The following CENPM variants were observed in gnomAD, a reference collection of about 807,000 sequenced individuals.
CENPM encodes the protein interphase centromere complex protein 39.
A neutral mutation model predicts 19.6 loss-of-function variants in CENPM; 14 were observed. The observed-to-expected ratio is 0.71, with a 90% CI of 0.47 to 1.11. The LOEUF is 1.11. CENPM is among the 50% of genes most tolerant of loss of function. The probability of loss-of-function intolerance (pLI) is 0.00; values close to 1 mark genes in which losing one functional copy is unlikely to be tolerated. For synonymous variants in CENPM, 114 were observed against 101.5 expected (o/e 1.12, Z -0.74); for missense variants, 239 against 228.4 (o/e 1.05, Z -0.30).
In CENPM at chr22:41,944,940, CTTTTAT is replaced by C. The variant is rs1208632878; in HGVS notation, c.310+279_310+284del. The C allele has an allele frequency of 1.3e-5, 16 of 1,250,930 alleles. No individual in the cohort carries two copies. The South Asian group carries it at 2.8e-4, about 22-fold the overall frequency. 77.5% of individuals were successfully genotyped at this position (1,250,930 alleles called of 1,614,324 possible). A position where few individuals can be genotyped will look rare whatever the true frequency, so the allele number is the denominator to read the frequency against. ...GTGTTCTTTCGGTTTTTAAATTTAA[CTTTTAT>C]TTTAAGTTCAGGGGTACATGTGCAG... On this transcript the variant is annotated intron_variant, in intron 4 of 5. Transcript: ENST00000215980.
chr22:41,946,488 G>A lies in CENPM; in HGVS notation c.66C>T (p.Gly22=), dbSNP rs1404355179. The part of the protein sequence containing the change: ...GLNTATILLV[G]TEDALLQQLA... ...GCTGCTGCAGAAGAGCATCCTCCGT[G>A]CCCACCAGCTGCGCAGGGAGAGAGA... is the stretch of plus-strand genomic sequence containing the variant. The change falls in exon 2 of 6, where the codon GGC becomes GGT. Residue 22 remains glycine (G), a synonymous_variant. Transcript: ENST00000215980. 1.9e-6 allele frequency: 3 copies of A among 1,613,116 alleles called. No homozygotes were observed. The highest frequency in any genetic ancestry group is 4.5e-5 in the East Asian group (2 of 44,880).
the CENPM span, among the ~76,000 whole-genome samples, chr22:41,929,696 C>T: frequency 6.6e-6 from 1 of 152,034 alleles, no homozygotes; most frequent in Non-Finnish European, 1.5e-5. Flanking sequence ...GCTGGGCGCT[C>T]CCTATGTGCT....
At chr22:41,930,511 T>A in the CENPM span, among the ~76,000 whole-genome samples, 2 of 151,986 alleles carry the variant, frequency 1.3e-5, no homozygotes, top group Non-Finnish European at 2.9e-5. Context: ...CTAATTTCTT[T>A]TCTTTTTTTT....
At chr22:41,928,877 G>A in the CENPM span, among the ~76,000 whole-genome samples, 2 of 152,080 alleles carry the variant, frequency 1.3e-5, no homozygotes, top group Non-Finnish European at 2.9e-5. The surrounding 1 kb of genome is among the most constrained non-coding windows in gnomAD (Gnocchi z 4.0). Flanking sequence ...ATGATGCAGC[G>A]GCTGGCCATG....
At chr22:41,944,145 G>A (rs568357893) in intron 4 of CENPM, 6 of 985,330 alleles carry the variant, frequency 6.1e-6, no homozygotes, top group Middle Eastern at 5.2e-4. Flanking sequence ...GAAGCCTAGA[G>A]TAAACAAAAA....
At position 41,947,029 on chromosome 22, in the gene CENPM, G is replaced by T; in HGVS notation, c.48C>A (p.Ala16=). 6.2e-7 allele frequency: 1 copy of T among 1,612,900 alleles called. No individual in the cohort carries two copies. Among genetic ancestry groups the T allele is most frequent in the Non-Finnish European group, 8.5e-7 (1 of 1,179,934 alleles). ...GGCCGCCTGCACCTACCAAGATGGT[G>T]GCCGTGTTCAGGCCGGGCAGCTTGT... The part of the protein sequence containing the change: ...PLDKLPGLNT[A]TILLVGTEDA... The change falls in exon 1 of 6, where the codon GCC becomes GCA. Residue 16 remains alanine, a synonymous_variant. Coordinates refer to ENST00000215980, the MANE Select transcript of CENPM (RefSeq NM_024053.5).
At chr22:41,943,255 G>A (rs764143729) in intron 5 of CENPM, among the ~76,000 whole-genome samples, 7 of 152,138 alleles carry the variant, frequency 4.6e-5, no homozygotes, top group Non-Finnish European at 1.0e-4. Flanking sequence ...GCAGGAGAGT[G>A]GACTCACAAA....
downstream of CENPM, among the ~76,000 whole-genome samples, chr22:41,933,834 G>A (rs190435963): frequency 9.2e-5 from 14 of 152,314 alleles, no homozygotes; most frequent in African/African-American, 1.7e-4. Flanking sequence ...CACCCCTGAT[G>A]CGTGTGGGTT....
intron 5 of CENPM, among the ~76,000 whole-genome samples, chr22:41,939,872 GAAAGAA>G (rs1569425894): frequency 3.1e-5 from 4 of 130,792 alleles, no homozygotes; most frequent in East Asian, 2.1e-4. Context: ...AAGAAAGAAA[GAAAGAA>G]AAAGAAAGAA....
At chr22:41,942,766 G>A (rs1000311569) in intron 5 of CENPM, among the ~76,000 whole-genome samples, 2 of 139,804 alleles carry the variant, frequency 1.4e-5, no homozygotes, top group Non-Finnish European at 3.1e-5. Flanking sequence ...AAAAAAAAAA[G>A]TAAATAAATA....
chr22:41,940,303 T>C, intron 5 of CENPM: 1 of 628,184 alleles, frequency 1.6e-6, no homozygotes, highest in Non-Finnish European at 3.0e-6. Context: ...TCTTGCCTGT[T>C]TACCACCACC....
At chr22:41,945,355 C>A (rs754262768) in intron 3 of CENPM, 51 bp from the exon 4 acceptor site, 4 of 1,609,716 alleles carry the variant, frequency 2.5e-6, no homozygotes, top group Non-Finnish European at 3.4e-6. Context: ...CAAAACTTTA[C>A]AACGGAGAAA....
the CENPM span, among the ~76,000 whole-genome samples, chr22:41,932,798 G>T: frequency 9.2e-5 from 14 of 152,220 alleles, no homozygotes; most frequent in Non-Finnish European, 5.9e-5. The surrounding 1 kb of genome is among the most constrained non-coding windows in gnomAD (Gnocchi z 4.3). Context: ...AACCTCCCAG[G>T]CCTTATTCAG....
the CENPM span, among the ~76,000 whole-genome samples, chr22:41,933,528 C>T: frequency 6.6e-6 from 1 of 152,126 alleles, no homozygotes; most frequent in East Asian, 1.9e-4. Context: ...AAGGCTGCCT[C>T]CTGTGCAGGT....
rs1432294323 is a variant in CENPM, at chr22:41,946,413, T to C, written c.137+4A>G. 3 of 1,612,680 alleles carry C rather than the reference T, an allele frequency of 1.9e-6. No homozygotes were observed. The highest frequency in any genetic ancestry group is 1.7e-5 in the Admixed American group (1 of 59,976). ...GGGCCCAGGCCACAGCCGCGGCTAC[T>C]TACACCTTCAGCTCGGAGGCGCAGT... On this transcript the variant is annotated splice_donor_region_variant and intron_variant, in intron 2 of 5. Transcript: ENST00000215980.
In CENPM at chr22:41,945,986, G is replaced by T; in HGVS notation, c.157C>A (p.Pro53Thr). The change falls in exon 3 of 6, where the codon CCT (proline) becomes ACT (threonine). Residue 53 changes from proline (P) to threonine (T), a missense_variant. Pro to Thr is a conservative substitution (Grantham distance 38). Transcript: ENST00000215980. ...GGCCGATTCACACTGGAGGGCAAAG[G>T]GAGGGACTTTGCCAAGTGGCTGAAA... is the stretch of plus-strand genomic sequence containing the variant. ...ELKVHLAKSL[P>T]LPSSVNRPRI... The T allele has an allele frequency of 6.2e-7, 1 of 1,613,904 alleles. No individual in the cohort carries two copies. The highest frequency in any genetic ancestry group is 1.3e-5 in the African/African-American group (1 of 75,038).
At chr22:41,935,840 C>T (rs2077681355), downstream of CENPM, among the ~76,000 whole-genome samples, 1 of 151,996 alleles carries the variant, frequency 6.6e-6, no homozygotes, top group African/African-American at 2.4e-5. Flanking sequence ...TTCTGTATTC[C>T]AGCTCAGGGC....
At chr22:41,940,211 G>A (rs1386331131) in intron 5 of CENPM, 2 of 750,274 alleles carry the variant, frequency 2.7e-6, no homozygotes, top group South Asian at 2.9e-5. Context: ...GTATCTCCGT[G>A]GCCTGCCTGC....
At chr22:41,942,202 C>A (rs1014086675) in intron 5 of CENPM, among the ~76,000 whole-genome samples, 1 of 152,246 alleles carries the variant, frequency 6.6e-6, no homozygotes, top group Non-Finnish European at 1.5e-5. Context: ...GCAGGCCTGG[C>A]ACATGGGTGT....
Sources: allele counts gnomAD v4.1 joint callset (sites outside exome capture counted in the v4.1 genomes callset), GRCh38; gene constraint gnomAD v4.1.1; non-coding constraint Gnocchi (gnomAD v3.1); transcripts MANE v1.5; gene names NCBI Gene and HGNC (gene_info 2026-07-23, HGNC 2026-07-21).